The following SMG5 variants were observed in gnomAD, a reference collection of about 807,000 sequenced individuals.
SMG5 encodes nonsense-mediated mRNA decay factor SMG5.
In SMG5, 53 loss-of-function variants were observed where a neutral mutation model predicts 122.9. That is an observed-to-expected ratio of 0.43 (90% CI 0.35 to 0.54). SMG5 has a LOEUF of 0.54. Ranked by LOEUF, SMG5 falls within the 20% of genes least tolerant of loss-of-function variation. The probability of loss-of-function intolerance (pLI) is 0.01; values close to 1 mark genes in which losing one functional copy is unlikely to be tolerated. For missense variants in SMG5, 1,153 were observed against 1,285.6 expected (o/e 0.90, Z 1.58); for synonymous variants, 477 against 490.2 (o/e 0.97, Z 0.35).
At chr1:156,258,212 G>A (rs1052387784) in intron 16 of SMG5, among the ~76,000 whole-genome samples, 5 of 152,186 alleles carry the variant, frequency 3.3e-5, no homozygotes, top group African/African-American at 9.7e-5. Context: ...GGAGCCCTCC[G>A]CTCCCTTCTA....
rs199954895 is a variant in SMG5, at chr1:156,251,502, G to C, written c.2754-25C>G. ...CCTGCAGAGGAGATGTGCGAGTGGA[G>C]GTCAGGAGCAGGAGACTGGCAGGGT... On this transcript the variant is annotated intron_variant, in intron 19 of 21. Coordinates refer to ENST00000361813, the MANE Select transcript of SMG5 (RefSeq NM_015327.3). The C allele has an allele frequency of 5.1e-4, 819 of 1,612,936 alleles. 1 individual carries two copies. The highest frequency in any genetic ancestry group is 6.3e-4 in the Non-Finnish European group (743 of 1,179,490).
intron 12 of SMG5, 38 bp downstream of exon 12, chr1:156,265,743 G>T: frequency 6.3e-7 from 1 of 1,589,568 alleles, no homozygotes; most frequent in South Asian, 1.2e-5. Flanking sequence ...TGGCATGGAG[G>T]TGCGGACCAG....
upstream of SMG5, among the ~76,000 whole-genome samples, chr1:156,286,842 G>A (rs559586685): frequency 2.8e-4 from 42 of 152,368 alleles, no homozygotes; most frequent in Admixed American, 2.7e-3. Context: ...ATAGAGACAA[G>A]GCTGGGTGCA....
chr1:156,268,522 C>T, intron 7 of SMG5, 107 bp from the exon 8 acceptor site: 1 of 1,434,132 alleles, frequency 7.0e-7, no homozygotes, highest in Admixed American at 2.1e-5. Flanking sequence ...TGCTCCCAGC[C>T]TCAGCTTCCA....
At position 156,260,471 on chromosome 1, in the gene SMG5, G is replaced by A. The variant is rs979423611; in HGVS notation, c.2263C>T (p.Leu755=). The change falls in exon 15 of 22, where the codon CTG becomes TTG. Residue 755 remains leucine, a synonymous_variant. Coordinates refer to ENST00000361813, the MANE Select transcript of SMG5 (RefSeq NM_015327.3). ...CTTACCTCCTCTAAGGTGCTGAGCAGGGGCCGATCCGTGTCAAAGTTAAAG... is the reference window on the plus strand; with the variant it reads ...CTTACCTCCTCTAAGGTGCTGAGCAAGGGCCGATCCGTGTCAAAGTTAAAG... ...RRFNFDTDRP[L]LSTLEESVVR... is the part of the protein sequence containing the mutation. 1 of 1,597,144 alleles carries A rather than the reference G, an allele frequency of 6.3e-7. No homozygotes were observed. Among genetic ancestry groups the A allele is most frequent in the Admixed American group, 1.8e-5 (1 of 55,992 alleles).
At chr1:156,282,850 TCG>T, upstream of SMG5, 1 of 655,642 alleles carries the variant, frequency 1.5e-6, no homozygotes, top group Non-Finnish European at 2.5e-6. Context: ...CTGCCAAATC[TCG>T]CGATGGCAGC....
chr1:156,272,294 T>C lies in SMG5; in HGVS notation c.713+26A>G. The C allele has an allele frequency of 3.2e-6, 5 of 1,571,844 alleles. No homozygotes were observed. In the South Asian group the frequency reaches 5.8e-5, roughly 18 times the overall value. On this transcript the variant is annotated intron_variant, in intron 7 of 21. Transcript: ENST00000361813. ...AATAATATGCACACAAAAGCAGGGC[T>C]GGAAAAAGAGCTGGCAAATACTCAC...
At chr1:156,279,818 T>C (rs958047613) in intron 1 of SMG5, among the ~76,000 whole-genome samples, 20 of 152,172 alleles carry the variant, frequency 1.3e-4, no homozygotes, top group African/African-American at 4.6e-4. Flanking sequence ...TAAGCCTAGA[T>C]TCTGCTGAAG....
At chr1:156,285,085 C>A (rs1415603169), upstream of SMG5, 3 of 1,060,360 alleles carry the variant, frequency 2.8e-6, no homozygotes, top group Non-Finnish European at 3.9e-6. Context: ...GGGCCAAAAC[C>A]CATGAAGCCA....
Position 156,274,800 on chromosome 1 carries a change from T to C in SMG5, c.455-114A>G, listed in dbSNP as rs112170971. On this transcript the variant is annotated intron_variant, in intron 4 of 21. Transcript: ENST00000361813. Reference sequence around the variant, plus strand: ...AGAATCCAGGGCCAGTCTTGGAACATTGTCTTTCAGGGCAGAGACACACTC... The same window carrying C: ...AGAATCCAGGGCCAGTCTTGGAACACTGTCTTTCAGGGCAGAGACACACTC... 4.0e-4 allele frequency: 324 copies of C among 816,738 alleles called. 2 individuals are homozygous for C. The highest frequency in any genetic ancestry group is 1.6e-3 in the Middle Eastern group (7 of 4,374). 50.6% of individuals were successfully genotyped at this position (816,738 alleles called of 1,614,324 possible). A position where few individuals can be genotyped will look rare whatever the true frequency, so the allele number is the denominator to read the frequency against.
chr1:156,263,278 T>C, intron 13 of SMG5, 117 bp downstream of exon 13: 2 of 1,172,590 alleles, frequency 1.7e-6, no homozygotes, highest in Non-Finnish European at 2.4e-6. Context: ...AGGTGATTAA[T>C]TGCTTGGCAA....
chr1:156,282,959 G>A (rs550207964), upstream of SMG5: 34 of 531,750 alleles, frequency 6.4e-5, no homozygotes, highest in Non-Finnish European at 9.6e-5. Flanking sequence ...GCAGCATGGC[G>A]TCTTTCCGGC....
In SMG5 at chr1:156,252,901, C is replaced by G; in HGVS notation, c.2662+18G>C. 1 of 1,559,284 alleles carries G rather than the reference C, an allele frequency of 6.4e-7. No homozygotes were observed. ...CTTTTAGTCATACTCTGTCTCCTTA[C>G]CTCTCCAATGTACTTACCTGTCCTT... is the stretch of plus-strand genomic sequence containing the variant. On this transcript the variant is annotated intron_variant, in intron 18 of 21. Transcript: ENST00000361813.
rs1436332107 is a variant in SMG5, at chr1:156,263,476, C to T, written c.1950G>A (p.Met650Ile). 1.9e-6 allele frequency: 3 copies of T among 1,614,250 alleles called. No homozygotes were observed. Among genetic ancestry groups the T allele is most frequent in the Admixed American group, 1.7e-5 (1 of 60,036 alleles). ...TCACAGCAGGAAGCAGACCTTCGGC[C>T]ATCAGGACCTGAAGCTTCTCCTGGA... Reference protein sequence around the residue: ...RSIQEKLQVLMAEGLLPAVKV... With the variant: ...RSIQEKLQVLIAEGLLPAVKV... Residue 650 changes from methionine (M) to isoleucine (I), a missense_variant, in exon 13 of 22, where the codon ATG becomes ATA. Met to Ile is a conservative substitution (Grantham distance 10). Transcript: ENST00000361813.
At chr1:156,262,274 A>C (rs1661881381) in intron 13 of SMG5, among the ~76,000 whole-genome samples, 1 of 152,068 alleles carries the variant, frequency 6.6e-6, no homozygotes, top group Non-Finnish European at 1.5e-5. Flanking sequence ...AGGCAGGCGG[A>C]TCAAGACCAT....
the SMG5 span, chr1:156,291,360 C>T: frequency 6.2e-7 from 1 of 1,611,310 alleles, no homozygotes; most frequent in Non-Finnish European, 8.5e-7. Context: ...TCGAGAGTAG[C>T]CTGACCCTTT....
upstream of SMG5, chr1:156,285,744 A>G (rs748559702): frequency 6.2e-7 from 1 of 1,613,272 alleles, no homozygotes. Flanking sequence ...ACTGAGCGCA[A>G]GTGGGCTGAG....
the SMG5 span, chr1:156,290,956 A>G: frequency 1.7e-5 from 3 of 177,668 alleles, no homozygotes; most frequent in African/African-American, 7.1e-5. Flanking sequence ...ATTTTACTAT[A>G]CTCATTGAAT....
In SMG5 at chr1:156,252,881, A is replaced by G. The variant is rs77532422; in HGVS notation, c.2662+38T>C. 5,258 of 1,496,698 alleles carry G rather than the reference A, an allele frequency of 3.5e-3. 12 individuals carry two copies. The highest frequency in any genetic ancestry group is 4.5e-3 in the Non-Finnish European group (4,986 of 1,119,934). 92.7% of individuals were successfully genotyped at this position (1,496,698 alleles called of 1,614,324 possible). On this transcript the variant is annotated intron_variant, in intron 18 of 21. Coordinates refer to ENST00000361813, the MANE Select transcript of SMG5 (RefSeq NM_015327.3). ...TAATCCCAAGCCCAGAATCTCTTTT[A>G]GTCATACTCTGTCTCCTTACCTCTC...
Sources: allele counts gnomAD v4.1 joint callset (sites outside exome capture counted in the v4.1 genomes callset), GRCh38; gene constraint gnomAD v4.1.1; transcripts MANE v1.5; gene names NCBI Gene and HGNC (gene_info 2026-07-23, HGNC 2026-07-21).